Variants in CACNA2D1 observed in about 807,000 individuals in gnomAD.
CACNA2D1 encodes the protein calcium voltage-gated channel auxiliary subunit alpha2delta 1, also known as voltage-dependent calcium channel subunit alpha-2/delta-1.
A neutral mutation model predicts 171.5 loss-of-function variants in CACNA2D1; 53 were observed. The ratio of observed to expected loss-of-function variants is 0.31; its 90% confidence interval spans 0.25 to 0.39. The LOEUF (loss-of-function observed/expected upper bound fraction) is 0.39, where lower values mean the gene tolerates loss of function less well. Ranked by LOEUF, CACNA2D1 falls within the 10% of genes least tolerant of loss-of-function variation. The pLI is 1.00. For synonymous variants in CACNA2D1, 442 were observed against 443.1 expected (o/e 1.00, Z 0.03); for missense variants, 903 against 1,299.8 (o/e 0.69, Z 4.69).
At chr7:82,393,697 C>G (rs1038975283) in intron 1 of CACNA2D1, among the ~76,000 whole-genome samples, 9 of 152,100 alleles carry the variant, frequency 5.9e-5, no homozygotes, top group Non-Finnish European at 1.2e-4. Flanking sequence ...TGTATTTATA[C>G]TAAAGCTTTC....
intron 3 of CACNA2D1, among the ~76,000 whole-genome samples, chr7:82,307,211 G>A (rs918182064): frequency 2.2e-4 from 33 of 152,122 alleles, no homozygotes; most frequent in Non-Finnish European, 8.8e-5. Context: ...AGGCTGGAGT[G>A]TAATGGCACC....
chr7:82,400,373 T>A (rs1316519720), intron 1 of CACNA2D1, among the ~76,000 whole-genome samples: 2 of 152,034 alleles, frequency 1.3e-5, no homozygotes, highest in Non-Finnish European at 2.9e-5. Flanking sequence ...CCTCTTTTAT[T>A]TCCTTGAGCA....
chr7:82,318,966 C>A (rs973234298), intron 3 of CACNA2D1, among the ~76,000 whole-genome samples: 1 of 152,104 alleles, frequency 6.6e-6, no homozygotes, highest in African/African-American at 2.4e-5. Context: ...AGGCAGAGTG[C>A]CTGACACATG....
At chr7:82,204,838 T>C (rs1290161116) in intron 3 of CACNA2D1, among the ~76,000 whole-genome samples, 1 of 151,914 alleles carries the variant, frequency 6.6e-6, no homozygotes, top group Non-Finnish European at 1.5e-5. Context: ...GTAAGGAAAA[T>C]GGATATGCTG....
chr7:82,295,719 C>CA lies in CACNA2D1; in HGVS notation c.294+39415dup, dbSNP rs905264285. On this transcript the variant is annotated intron_variant, in intron 3 of 38. Coordinates refer to ENST00000356860, the MANE Select transcript of CACNA2D1 (RefSeq NM_000722.4). ...GCTATAACACAGGGCCAGTTTGTGA[C>CA]AAAAAAAAAAGTGTGAGGATACTGG... Among the ~76,000 whole-genome samples, 21 of 143,490 alleles carry CA rather than the reference C, an allele frequency of 1.5e-4. 1 individual carries two copies. The highest frequency in any genetic ancestry group is 4.4e-4 in the South Asian group (2 of 4,524). 94.1% of individuals were successfully genotyped at this position (143,490 alleles called of 152,430 possible).
In CACNA2D1 at chr7:82,270,261, AGC is replaced by A. The variant is rs1396721168; in HGVS notation, c.294+64872_294+64873del. ...TGGCTATTCCCCAAACCCAAAAGGT[AGC>A]TATTGTCATGACTTCTATTACTATA... On this transcript the variant is annotated intron_variant, in intron 3 of 38. Coordinates refer to ENST00000356860, the MANE Select transcript of CACNA2D1 (RefSeq NM_000722.4). Among the ~76,000 whole-genome samples, 11 of 152,286 alleles carry A rather than the reference AGC, an allele frequency of 7.2e-5. No homozygotes were observed. The South Asian group carries it at 2.1e-3, about 29-fold the overall frequency.
intron 4 of CACNA2D1, among the ~76,000 whole-genome samples, chr7:82,146,524 A>G (rs1793127289): frequency 6.9e-6 from 1 of 145,458 alleles, no homozygotes; most frequent in East Asian, 2.0e-4. Context: ...ATATCTTTAT[A>G]TCTATATATA....
rs921377963 is a variant in CACNA2D1, at chr7:81,946,959, T to C, written c.*3433A>G. 2.6e-5 allele frequency: 4 copies of C among 152,094 alleles called. No homozygotes were observed. The highest frequency in any genetic ancestry group is 9.7e-5 in the African/African-American group (4 of 41,440). The allele number at this position is 152,094 out of a possible 1,614,324, so 9.4% of individuals were successfully genotyped here. On this transcript the variant is annotated 3_prime_UTR_variant, in exon 39 of 39. Transcript: ENST00000356860. ...ATTCTGCTATGGGAAACAATACAAG[T>C]TTAGATGAAAAAATATTTAAAATTT...
At chr7:82,110,701 T>G (rs1004715893) in intron 6 of CACNA2D1, among the ~76,000 whole-genome samples, 2 of 152,104 alleles carry the variant, frequency 1.3e-5, no homozygotes, top group Non-Finnish European at 2.9e-5. Flanking sequence ...GTTTTCTGTT[T>G]CCATGGCCAC....
intron 3 of CACNA2D1, among the ~76,000 whole-genome samples, chr7:82,303,683 G>A (rs1813338995): frequency 1.3e-5 from 2 of 152,018 alleles, no homozygotes; most frequent in South Asian, 2.1e-4. Context: ...TTGAAACTGG[G>A]CCCCTATCTT....
intron 18 of CACNA2D1, among the ~76,000 whole-genome samples, chr7:82,002,241 T>TAG (rs1242484362): frequency 3.9e-5 from 6 of 152,042 alleles, no homozygotes; most frequent in African/African-American, 1.4e-4. Flanking sequence ...AAAGACGCCC[T>TAG]AGAGAGAGAC....
chr7:81,971,650 A>G lies in CACNA2D1; in HGVS notation c.2141+127T>C. On this transcript the variant is annotated intron_variant, in intron 26 of 38. Coordinates refer to ENST00000356860, the MANE Select transcript of CACNA2D1 (RefSeq NM_000722.4). ...GCAAGTTGTCAACAACTGTATAGTG[A>G]TTTTCTTGAGAAATATTAAACATTA... is the stretch of plus-strand genomic sequence containing the variant. 7 of 668,982 alleles carry G rather than the reference A, an allele frequency of 1.0e-5. No individual in the cohort carries two copies. The South Asian group carries it at 1.2e-4, about 12-fold the overall frequency. The allele number at this position is 668,982 out of a possible 1,614,324, so 41.4% of individuals were successfully genotyped here. A position where few individuals can be genotyped will look rare whatever the true frequency, so the allele number is the denominator to read the frequency against.
rs541384324 is a variant in CACNA2D1 at position 81,978,750 on chromosome 7, A to AGTGTGTGT, written c.1955+3816_1955+3817insACACACAC. On this transcript the variant is annotated intron_variant, in intron 24 of 38. Transcript: ENST00000356860. ...AAGTTAAAGTAAATTTTTTTTAAAA[A>AGTGTGTGT]GTGTATATATATATATATATACACA... is the stretch of plus-strand genomic sequence containing the variant. 1.4e-3 allele frequency among the ~76,000 whole-genome samples: 110 copies of AGTGTGTGT among 76,924 alleles called. 1 individual carries two copies. The highest frequency in any genetic ancestry group is 3.7e-3 in the African/African-American group (94 of 25,406). 50.5% of individuals were successfully genotyped at this position (76,924 alleles called of 152,430 possible).
chr7:82,204,818 G>C (rs926754887), intron 3 of CACNA2D1, among the ~76,000 whole-genome samples: 8 of 152,154 alleles, frequency 5.3e-5, no homozygotes, highest in African/African-American at 1.9e-4. Context: ...CTTGGCCTAG[G>C]GGGTGGAGTG....
At chr7:82,367,519 C>A (rs1821878957) in intron 1 of CACNA2D1, among the ~76,000 whole-genome samples, 1 of 152,182 alleles carries the variant, frequency 6.6e-6, no homozygotes, top group African/African-American at 2.4e-5. Flanking sequence ...CCTATTGTTT[C>A]TTCAGACACT....
intron 18 of CACNA2D1, among the ~76,000 whole-genome samples, chr7:82,001,038 T>C (rs1798558240): frequency 6.6e-6 from 1 of 152,048 alleles, no homozygotes; most frequent in Admixed American, 6.6e-5. Flanking sequence ...ATAGGAAGTA[T>C]CCTTTTATGT....
At chr7:82,415,547 A>T (rs1217956561) in intron 1 of CACNA2D1, among the ~76,000 whole-genome samples, 2 of 151,992 alleles carry the variant, frequency 1.3e-5, no homozygotes, top group Non-Finnish European at 2.9e-5. Context: ...AACAAAAAAA[A>T]ACCCTGAAAT....
intron 1 of CACNA2D1, among the ~76,000 whole-genome samples, chr7:82,381,623 G>C (rs1259195868): frequency 6.6e-6 from 1 of 152,144 alleles, no homozygotes; most frequent in African/African-American, 2.4e-5. Flanking sequence ...CTGCAGTTAT[G>C]AATCTTCAAT....
At chr7:82,380,948 G>GCCT (rs1341345159) in intron 1 of CACNA2D1, among the ~76,000 whole-genome samples, 8 of 151,918 alleles carry the variant, frequency 5.3e-5, no homozygotes, top group Admixed American at 5.2e-4. Context: ...GCCTGCCTTG[G>GCCT]CCTCCCAAAG....
Sources: gnomAD v4.1 joint callset for allele counts (sites outside exome capture counted in the v4.1 genomes callset) on GRCh38, gnomAD v4.1.1 for gene constraint, MANE v1.5 for transcripts, NCBI Gene and HGNC (gene_info 2026-07-23, HGNC 2026-07-21) for gene names.